Variants in NCAPG2 observed in about 807,000 individuals in gnomAD.
NCAPG2 encodes the protein condensin-2 complex subunit G2.
NCAPG2 carries 53 observed loss-of-function variants against 141.1 expected under a neutral mutation model. The ratio of observed to expected loss-of-function variants is 0.38; its 90% CI spans 0.30 to 0.47. The LOEUF (loss-of-function observed/expected upper bound fraction) is 0.47. Ranked by LOEUF, NCAPG2 falls within the 20% of genes least tolerant of loss-of-function variation. The pLI is 0.99. For synonymous variants in NCAPG2, 499 were observed against 490.7 expected, an observed-to-expected ratio of 1.02 and a Z score of -0.22; for missense variants, 1,087 against 1,389.0, an observed-to-expected ratio of 0.78 and a Z score of 3.46.
intron 2 of NCAPG2, among the ~76,000 whole-genome samples, chr7:158,694,220 G>T (rs1587298941): frequency 6.6e-6 from 1 of 152,110 alleles, no homozygotes; most frequent in South Asian, 2.1e-4. Flanking sequence ...TCTCTAAAAA[G>T]AAAAAATCAA....
rs144877179 is a variant in NCAPG2, at chr7:158,662,386, T to C, written c.1816-19A>G. 507 of 1,535,546 alleles carry C rather than the reference T, an allele frequency of 3.3e-4. 1 individual carries two copies. The African/African-American group carries it at 4.9e-3, about 15-fold the overall frequency. On this transcript the variant is annotated intron_variant, in intron 15 of 27. Coordinates refer to ENST00000356309, the MANE Select transcript of NCAPG2 (RefSeq NM_017760.7). ...CCAGAACCTAAGATAAAAATAATTT[T>C]ATTGTGAAAGGATCTAATCATAGCA...
chr7:158,700,333 G>C (rs1835702904), intron 2 of NCAPG2, among the ~76,000 whole-genome samples: 1 of 152,182 alleles, frequency 6.6e-6, no homozygotes, highest in African/African-American at 2.4e-5. Context: ...AAGGCTGGTT[G>C]GCACACAACG....
At chr7:158,683,801 G>A (rs756806300) in intron 8 of NCAPG2, among the ~76,000 whole-genome samples, 1 of 152,202 alleles carries the variant, frequency 6.6e-6, no homozygotes, top group Non-Finnish European at 1.5e-5. Flanking sequence ...AACAAAAACA[G>A]AACTACCTCT....
chr7:158,685,336 G>A (rs1834691399), intron 8 of NCAPG2, among the ~76,000 whole-genome samples: 2 of 152,116 alleles, frequency 1.3e-5, no homozygotes, highest in Non-Finnish European at 2.9e-5. Flanking sequence ...CTATCCAATA[G>A]AAACTGAATG....
Position 158,668,472 on chromosome 7 carries a change from C to T in NCAPG2, c.1479+3042G>A, listed in dbSNP as rs904953020. The T allele has an allele frequency of 4.2e-6, 4 of 947,454 alleles. No individual in the cohort carries two copies. The African/African-American group carries it at 5.3e-5, about 13-fold the overall frequency. 58.7% of individuals were successfully genotyped at this position (947,454 alleles called of 1,614,324 possible). A position where few individuals can be genotyped will look rare whatever the true frequency, so the allele number is the denominator to read the frequency against. On this transcript the variant is annotated intron_variant, in intron 13 of 27. Transcript: ENST00000356309. ...AATAATGGTAGAGTGGTTTTAAGTGCTTATCTTTTAGAGATACATTCTGAA... is the reference window on the plus strand; with the variant it reads ...AATAATGGTAGAGTGGTTTTAAGTGTTTATCTTTTAGAGATACATTCTGAA...
At position 158,656,249 on chromosome 7, in the gene NCAPG2, C is replaced by A. The variant is rs769239195; in HGVS notation, c.2388+11G>T. 3.1e-6 allele frequency: 5 copies of A among 1,612,704 alleles called. No individual in the cohort carries two copies. The highest frequency in any genetic ancestry group is 4.2e-6 in the Non-Finnish European group (5 of 1,179,338). ...ATAGGAAACCACTCAACTCTCAGGG[C>A]ACAGAGTTACCTTTGACGTTTCAAG... On this transcript the variant is annotated intron_variant, in intron 19 of 27. Transcript: ENST00000356309.
chr7:158,659,024 TTA>T (rs950575911), intron 16 of NCAPG2, among the ~76,000 whole-genome samples: 1 of 66,506 alleles, frequency 1.5e-5, no homozygotes, highest in African/African-American at 5.6e-5. Context: ...GGCATTATAT[TTA>T]AAAAAAAAAA....
Position 158,667,377 on chromosome 7 carries a change from C to A in NCAPG2, c.1480-2627G>T, listed in dbSNP as rs867559472. On this transcript the variant is annotated intron_variant, in intron 13 of 27. Transcript: ENST00000356309. ...AGCCACTACCGGATCCCTCCGCCCCCCCTTACCCACTACTGGGTCCCTCCG... is the reference window on the plus strand; with the variant it reads ...AGCCACTACCGGATCCCTCCGCCCCACCTTACCCACTACTGGGTCCCTCCG... The A allele has an allele frequency of 1.1e-4, 7 of 66,650 alleles. 2 individuals carry two copies. The highest frequency in any genetic ancestry group is 5.3e-5 in the Non-Finnish European group (3 of 56,140). 4.1% of individuals were successfully genotyped at this position (66,650 alleles called of 1,614,324 possible). A position where few individuals can be genotyped will look rare whatever the true frequency, so the allele number is the denominator to read the frequency against.
chr7:158,668,256 C>CCA, intron 13 of NCAPG2: 1 of 396,086 alleles, frequency 2.5e-6, no homozygotes, highest in Non-Finnish European at 2.8e-6. Flanking sequence ...TTACCCACTA[C>CCA]TGGGTCCCTC....
chr7:158,701,763 T>C (rs1835808618), intron 2 of NCAPG2, 59 bp downstream of exon 2: 1 of 1,422,926 alleles, frequency 7.0e-7, no homozygotes, highest in Non-Finnish European at 9.9e-7. Context: ...ATAATGACTT[T>C]AGAACATATT....
In NCAPG2 at chr7:158,664,648, G is replaced by C; in HGVS notation, c.1582C>G (p.Pro528Ala). The stretch of plus-strand genomic sequence containing the variant: ...CAGACCTCCTCCGGCTGATTCACAG[G>C]CAGGAAAGAATTAAAGATGAGGCTC... ...LVSLIFNSFL[P>A]VNQPEEVWCE... Residue 528 changes from proline to alanine, a missense_variant, in exon 14 of 28, where the codon CCT (proline) becomes GCT (alanine). By Grantham distance (27) the Pro-to-Ala change is conservative. Coordinates refer to ENST00000356309, the MANE Select transcript of NCAPG2 (RefSeq NM_017760.7). The C allele has an allele frequency of 6.2e-7, 1 of 1,614,106 alleles. No individual in the cohort carries two copies. Among genetic ancestry groups the C allele is most frequent in the Non-Finnish European group, 8.5e-7 (1 of 1,180,038 alleles).
chr7:158,640,566 G>A (rs1366420997), intron 27 of NCAPG2: 1 of 152,056 alleles, frequency 6.6e-6, no homozygotes, highest in Non-Finnish European at 1.5e-5. Flanking sequence ...ATAAAGTACA[G>A]AGAGAAAAAA....
At chr7:158,662,089 T>C (rs978337876) in intron 16 of NCAPG2, 105 bp downstream of exon 16, 2 of 1,106,548 alleles carry the variant, frequency 1.8e-6, no homozygotes, top group Admixed American at 3.4e-5. Flanking sequence ...ATTTTACAGA[T>C]GAGAACACAG....
intron 15 of NCAPG2, among the ~76,000 whole-genome samples, chr7:158,662,945 C>A (rs193140794): frequency 6.2e-4 from 95 of 152,296 alleles, no homozygotes; most frequent in African/African-American, 2.1e-3. Flanking sequence ...AATAAATAGA[C>A]CTACTTACAC....
At chr7:158,693,000 C>A in intron 3 of NCAPG2, 44 bp from the exon 4 acceptor site, 1 of 1,294,660 alleles carries the variant, frequency 7.7e-7, no homozygotes, top group Non-Finnish European at 1.1e-6. Context: ...AAATCATCAA[C>A]TTAAAATCAG....
At chr7:158,673,138 G>A (rs769840662) in intron 12 of NCAPG2, among the ~76,000 whole-genome samples, 1 of 152,244 alleles carries the variant, frequency 6.6e-6, no homozygotes, top group Non-Finnish European at 1.5e-5. Flanking sequence ...GGAAGGGAAA[G>A]ACAGGACTTG....
intron 27 of NCAPG2, among the ~76,000 whole-genome samples, chr7:158,635,223 C>T (rs1182658422): frequency 4.6e-5 from 7 of 151,948 alleles, no homozygotes; most frequent in Admixed American, 4.6e-4. Flanking sequence ...AAGCATACCA[C>T]TAAATAAGCT....
Position 158,654,584 on chromosome 7 carries a change from C to T in NCAPG2, c.2746+11G>A. ...TGAGTATTTATTGCTCTAAAACAGC[C>T]CTGACTGTACCTGTTTGCATGATTC... On this transcript the variant is annotated intron_variant, in intron 22 of 27. Coordinates refer to ENST00000356309, the MANE Select transcript of NCAPG2 (RefSeq NM_017760.7). 1 of 1,612,686 alleles carries T rather than the reference C, an allele frequency of 6.2e-7. No homozygotes were observed. The highest frequency in any genetic ancestry group is 1.7e-5 in the Admixed American group (1 of 59,796).
chr7:158,701,480 C>T (rs1835786923), intron 2 of NCAPG2, among the ~76,000 whole-genome samples: 1 of 152,224 alleles, frequency 6.6e-6, no homozygotes, highest in African/African-American at 2.4e-5. Context: ...GGTAAAGACT[C>T]GTGTAGCCTA....
Sources: gnomAD v4.1 joint callset for allele counts (sites outside exome capture counted in the v4.1 genomes callset) on GRCh38, gnomAD v4.1.1 for gene constraint, MANE v1.5 for transcripts, NCBI Gene and HGNC (gene_info 2026-07-23, HGNC 2026-07-21) for gene names.